The following LMX1A variants were observed in gnomAD, a reference collection of about 807,000 sequenced individuals.
LMX1A encodes the protein LIM homeobox transcription factor 1 alpha.
A neutral mutation model predicts 49.1 loss-of-function variants in LMX1A; 15 were observed. That is an observed-to-expected ratio of 0.31 (90% CI 0.20 to 0.47). LMX1A has a LOEUF of 0.47. LMX1A is among the 20% of genes least tolerant of loss of function. The pLI is 1.00. For missense variants in LMX1A, 372 were observed against 475.8 expected, an observed-to-expected ratio of 0.78 and a Z score of 2.03; for synonymous variants, 167 against 185.7, an observed-to-expected ratio of 0.90 and a Z score of 0.82.
intron 4 of LMX1A, among the ~76,000 whole-genome samples, chr1:165,234,220 C>T (rs956191894): frequency 6.6e-6 from 1 of 152,196 alleles, no homozygotes. Flanking sequence ...CTGGATACAA[C>T]CCTACCCTGC....
intron 3 of LMX1A, among the ~76,000 whole-genome samples, chr1:165,337,971 T>C (rs567997925): frequency 8.6e-4 from 131 of 151,598 alleles, no homozygotes; most frequent in Admixed American, 1.6e-3. Context: ...CCAGCAGCTG[T>C]TGAGGATTGA....
At chr1:165,276,249 T>C (rs1653964402) in intron 3 of LMX1A, among the ~76,000 whole-genome samples, 1 of 152,160 alleles carries the variant, frequency 6.6e-6, no homozygotes, top group South Asian at 2.1e-4. Context: ...AATCAATTGA[T>C]TGATAGAGAG....
At chr1:165,255,040 A>C (rs1289442259) in intron 3 of LMX1A, among the ~76,000 whole-genome samples, 2 of 152,200 alleles carry the variant, frequency 1.3e-5, no homozygotes, top group Non-Finnish European at 2.9e-5. Context: ...CTGTTCCTCT[A>C]TTGATCACTC....
At chr1:165,290,820 G>A (rs949426600) in intron 3 of LMX1A, among the ~76,000 whole-genome samples, 3 of 152,084 alleles carry the variant, frequency 2.0e-5, no homozygotes, top group Non-Finnish European at 4.4e-5. Context: ...GTAAATTCTT[G>A]CCCCCCACCC....
Position 165,355,841 on chromosome 1 carries a change from G to GC in LMX1A, c.-22-261dup, listed in dbSNP as rs931225076. Reference sequence around the variant, plus strand: ...CCCCAACTGCGTTTCTCCTTCTCCTGCCCCCCTCACCCCCACCTACATCCC... The same window carrying GC: ...CCCCAACTGCGTTTCTCCTTCTCCTGCCCCCCCTCACCCCCACCTACATCCC... On this transcript the variant is annotated intron_variant, in intron 1 of 8. Transcript: ENST00000342310. This position sits in a 1 kb window ranked among gnomAD's most constrained non-coding sequence, Gnocchi z 4.7. 19 of 477,750 alleles carry GC rather than the reference G, an allele frequency of 4.0e-5. No homozygotes were observed. The highest frequency in any genetic ancestry group is 3.7e-4 in the African/African-American group (19 of 51,130). The allele number at this position is 477,750 out of a possible 1,614,324, so 29.6% of individuals were successfully genotyped here. A position where few individuals can be genotyped will look rare whatever the true frequency, so the allele number is the denominator to read the frequency against.
intron 3 of LMX1A, among the ~76,000 whole-genome samples, chr1:165,275,512 C>A (rs2101700024): frequency 6.6e-6 from 1 of 152,270 alleles, no homozygotes; most frequent in South Asian, 2.1e-4. Flanking sequence ...AGTCATCTCC[C>A]AATATTCATA....
chr1:165,217,193 GCAGAGCGA>G (rs939865587), intron 4 of LMX1A, among the ~76,000 whole-genome samples: 3 of 152,168 alleles, frequency 2.0e-5, no homozygotes, highest in Non-Finnish European at 4.4e-5. Context: ...TTGTGAGAAA[GCAGAGCGA>G]CAGAGGGAGG....
At chr1:165,223,809 T>A (rs1318869819) in intron 4 of LMX1A, among the ~76,000 whole-genome samples, 11 of 144,832 alleles carry the variant, frequency 7.6e-5, no homozygotes, top group Non-Finnish European at 1.4e-4. Context: ...GTACAAACTT[T>A]AAAAAAAAAA....
intron 4 of LMX1A, among the ~76,000 whole-genome samples, chr1:165,241,813 A>G (rs1436826328): frequency 6.6e-6 from 1 of 152,238 alleles, no homozygotes; most frequent in African/African-American, 2.4e-5. Context: ...ATTGAAAAAA[A>G]CAGTTCCAAG....
intron 3 of LMX1A, among the ~76,000 whole-genome samples, chr1:165,267,415 T>G (rs1414543785): frequency 6.6e-6 from 1 of 152,204 alleles, no homozygotes; most frequent in Non-Finnish European, 1.5e-5. Flanking sequence ...CACATTTTGT[T>G]TATCCAATCA....
At chr1:165,282,932 G>C (rs976888973) in intron 3 of LMX1A, among the ~76,000 whole-genome samples, 1 of 152,192 alleles carries the variant, frequency 6.6e-6, no homozygotes, top group African/African-American at 2.4e-5. Flanking sequence ...AATGGATTCA[G>C]AAGAAAAACC....
intron 3 of LMX1A, among the ~76,000 whole-genome samples, chr1:165,337,886 T>TGTG (rs1553213775): frequency 0.016 from 343 of 20,796 alleles, 2 homozygotes; most frequent in African/African-American, 0.032. Flanking sequence ...GTGTGTGTGT[T>TGTG]TCTGTGTGTG....
intron 4 of LMX1A, among the ~76,000 whole-genome samples, chr1:165,240,537 A>G (rs1652612059): frequency 1.3e-5 from 2 of 152,180 alleles, no homozygotes; most frequent in African/African-American, 4.8e-5. Context: ...TTCTGCAACT[A>G]AAACATAGCA....
chr1:165,279,233 G>C (rs989190152), intron 3 of LMX1A, among the ~76,000 whole-genome samples: 2 of 152,194 alleles, frequency 1.3e-5, no homozygotes, highest in African/African-American at 4.8e-5. Flanking sequence ...CTGTGGTTGT[G>C]AGAAATAAGC....
intron 4 of LMX1A, among the ~76,000 whole-genome samples, chr1:165,220,187 T>C (rs1651788711): frequency 6.6e-6 from 1 of 151,792 alleles, no homozygotes; most frequent in South Asian, 2.1e-4. Context: ...TTAAGGAACA[T>C]AAAACTGAAT....
intron 4 of LMX1A, among the ~76,000 whole-genome samples, chr1:165,228,098 A>T (rs895276861): frequency 2.6e-5 from 4 of 152,248 alleles, no homozygotes; most frequent in Admixed American, 2.6e-4. Flanking sequence ...GTAAAGCATG[A>T]TCTAAGTCAT....
At chr1:165,227,427 G>C (rs1652073953) in intron 4 of LMX1A, among the ~76,000 whole-genome samples, 1 of 152,202 alleles carries the variant, frequency 6.6e-6, no homozygotes, top group Non-Finnish European at 1.5e-5. Context: ...TGTAATCCCA[G>C]TTACTTGGGT....
At chr1:165,264,785 C>A (rs1043785530) in intron 3 of LMX1A, among the ~76,000 whole-genome samples, 2 of 151,762 alleles carry the variant, frequency 1.3e-5, no homozygotes, top group African/African-American at 4.8e-5. Flanking sequence ...GGGGAGACCC[C>A]GTCTCAATAA....
rs537078711 is a variant in LMX1A, at chr1:165,327,423, C to T, written c.263+25653G>A. On this transcript the variant is annotated intron_variant, in intron 3 of 8. Transcript: ENST00000342310. ...CACCCTGATCCCAACAAAGCCAAGC[C>T]TGACTTAGAGAAAGAGCTACTGAAG... 1.6e-4 allele frequency among the ~76,000 whole-genome samples: 25 copies of T among 152,358 alleles called. No homozygotes were observed. In the East Asian group the frequency reaches 4.8e-3, roughly 29 times the overall value.
Sources: allele counts gnomAD v4.1 joint callset (sites outside exome capture counted in the v4.1 genomes callset), GRCh38; gene constraint gnomAD v4.1.1; non-coding constraint Gnocchi (gnomAD v3.1); transcripts MANE v1.5; gene names NCBI Gene and HGNC (gene_info 2026-07-23, HGNC 2026-07-21).